The following PCSK5 variants were observed in gnomAD, a reference collection of about 807,000 sequenced individuals.
PCSK5 encodes the protein prohormone convertase 5.
In PCSK5, 129 loss-of-function variants were observed where a neutral mutation model predicts 233.2. The observed-to-expected ratio is 0.55, with a 90% confidence interval of 0.48 to 0.64. The LOEUF is 0.64. Ranked by LOEUF, PCSK5 falls within the 30% of genes least tolerant of loss-of-function variation. PCSK5 has a pLI of 0.00. For missense variants in PCSK5, 2,076 were observed against 2,430.1 expected, an observed-to-expected ratio of 0.85 and a Z score of 3.06; for synonymous variants, 825 against 879.2, an observed-to-expected ratio of 0.94 and a Z score of 1.09.
chr9:76,344,021 C>A (rs904022560), intron 35 of PCSK5, among the ~76,000 whole-genome samples: 13 of 152,024 alleles, frequency 8.6e-5, no homozygotes, highest in Non-Finnish European at 1.6e-4. Flanking sequence ...ATGTAATCTA[C>A]ATAAAATTAC....
At position 76,288,300 on chromosome 9, in the gene PCSK5, T is replaced by A. The variant is rs557113209; in HGVS notation, c.3143-3933T>A. 3.3e-5 allele frequency among the ~76,000 whole-genome samples: 5 copies of A among 152,334 alleles called. No individual in the cohort carries two copies. In the South Asian group the frequency reaches 1.0e-3, roughly 32 times the overall value. ...TTCCTGGTCTCTCCAAGGACTGGCC[T>A]GTAATACCAGGGCTTTGGTAGCCTG... On this transcript the variant is annotated intron_variant, in intron 24 of 37. Transcript: ENST00000674117.
intron 32 of PCSK5, 52 bp downstream of exon 32, chr9:76,323,340 C>T (rs2259775): frequency 5.5e-4 from 575 of 1,054,290 alleles, no homozygotes; most frequent in Non-Finnish European, 7.8e-4. Flanking sequence ...TAGTTCCAGC[C>T]CCAGCCCCAG....
At position 75,925,102 on chromosome 9, in the gene PCSK5, A is replaced by G. The variant is rs1042963632; in HGVS notation, c.193-7277A>G. On this transcript the variant is annotated intron_variant, in intron 1 of 37. Coordinates refer to ENST00000674117, the MANE Select transcript of PCSK5 (RefSeq NM_001372043.1). ...TTAATTCAATAGCCTTGTTATAAGT[A>G]TGATTTTTGTTCAGTGATTTGAAGA... Among the ~76,000 whole-genome samples, 6 of 152,204 alleles carry G rather than the reference A, an allele frequency of 3.9e-5. No individual in the cohort carries two copies. The South Asian group carries it at 6.2e-4, about 16-fold the overall frequency.
At chr9:76,191,996 T>C (rs1390188021) in intron 20 of PCSK5, among the ~76,000 whole-genome samples, 1 of 145,418 alleles carries the variant, frequency 6.9e-6, no homozygotes, top group Non-Finnish European at 1.5e-5. Flanking sequence ...TGAGAATCAC[T>C]TGAACCCTGG....
At chr9:76,279,603 T>C (rs1827803424) in intron 24 of PCSK5, among the ~76,000 whole-genome samples, 1 of 151,596 alleles carries the variant, frequency 6.6e-6, no homozygotes, top group South Asian at 2.1e-4. Context: ...ATGATTGCCA[T>C]TCTAACTGGT....
At chr9:76,055,464 A>G (rs529321534) in intron 5 of PCSK5, among the ~76,000 whole-genome samples, 132 of 151,974 alleles carry the variant, frequency 8.7e-4, no homozygotes, top group African/African-American at 2.3e-3. Flanking sequence ...CAACAGGGGG[A>G]TAATGCATTT....
intron 7 of PCSK5, among the ~76,000 whole-genome samples, chr9:76,092,012 G>A (rs2131641637): frequency 6.6e-6 from 1 of 152,120 alleles, no homozygotes; most frequent in East Asian, 1.9e-4. Flanking sequence ...GGACCCCTCA[G>A]CAATGCCATT....
chr9:75,931,248 CTTTTTTT>C (rs3074142), intron 1 of PCSK5, among the ~76,000 whole-genome samples: 1 of 130,466 alleles, frequency 7.7e-6, no homozygotes, highest in Non-Finnish European at 1.6e-5. Context: ...TGGGCCAAGA[CTTTTTTT>C]TTTTTTTTTT....
At chr9:75,894,416 A>G (rs1041208535) in intron 1 of PCSK5, among the ~76,000 whole-genome samples, 19 of 152,212 alleles carry the variant, frequency 1.2e-4, no homozygotes, top group Admixed American at 3.3e-4. Context: ...AGAGTAACAC[A>G]AGAAGAAAGC....
At chr9:76,028,451 G>A (rs1188808534) in intron 5 of PCSK5, among the ~76,000 whole-genome samples, 1 of 152,172 alleles carries the variant, frequency 6.6e-6, no homozygotes, top group Non-Finnish European at 1.5e-5. Context: ...AGGAAGTGGG[G>A]AGTGCTGATT....
chr9:76,071,744 G>T lies in PCSK5; in HGVS notation c.740G>T (p.Gly247Val). 1 of 1,613,634 alleles carries T rather than the reference G, an allele frequency of 6.2e-7. No homozygotes were observed. Among genetic ancestry groups the T allele is most frequent in the South Asian group, 1.1e-5 (1 of 90,996 alleles). ...AKIGGVRMLD[G>V]DVTDMVEAKS... ...GTTGAAGGAGTGCGAATGCTGGACG[G>T]AGATGTCACGGACATGGTTGAAGCA... is the stretch of plus-strand genomic sequence containing the variant. The change falls in exon 7 of 38, where the codon GGA (glycine) becomes GTA (valine). Residue 247 changes from glycine to valine, a missense_variant. Transcript: ENST00000674117.
intron 11 of PCSK5, among the ~76,000 whole-genome samples, chr9:76,157,536 C>T (rs74801423): frequency 0.014 from 2,052 of 151,342 alleles, 29 homozygotes; most frequent in Middle Eastern, 0.024. Flanking sequence ...ACAAAATGTA[C>T]GGTAAAAGAG....
intron 7 of PCSK5, among the ~76,000 whole-genome samples, chr9:76,093,923 C>G (rs1012564021): frequency 2.0e-5 from 3 of 152,174 alleles, no homozygotes; most frequent in Non-Finnish European, 4.4e-5. Flanking sequence ...TAGAGATTGT[C>G]ATAGCATTGA....
chr9:76,070,822 A>G (rs1830456343), intron 6 of PCSK5, among the ~76,000 whole-genome samples: 1 of 152,298 alleles, frequency 6.6e-6, no homozygotes, highest in South Asian at 2.1e-4. Context: ...ACCAATAAAA[A>G]CTTAAAATCC....
intron 7 of PCSK5, among the ~76,000 whole-genome samples, chr9:76,084,629 G>T (rs941174328): frequency 1.3e-5 from 2 of 152,188 alleles, no homozygotes; most frequent in Non-Finnish European, 2.9e-5. Flanking sequence ...GGGTGTCCCT[G>T]TTAAGGGAAG....
intron 20 of PCSK5, among the ~76,000 whole-genome samples, chr9:76,218,571 CAATT>C (rs1454276149): frequency 4.0e-5 from 6 of 149,516 alleles, no homozygotes; most frequent in Admixed American, 3.3e-4. Flanking sequence ...TGAGATAACA[CAATT>C]AAAGAAACAG....
chr9:76,112,174 G>A (rs1052858129), intron 9 of PCSK5, among the ~76,000 whole-genome samples: 5 of 152,158 alleles, frequency 3.3e-5, no homozygotes, highest in Admixed American at 3.3e-4. Flanking sequence ...AAGAATATAT[G>A]TTCAGTAATC....
intron 2 of PCSK5, among the ~76,000 whole-genome samples, chr9:75,942,264 T>C (rs4323536): frequency 0.55 from 83,026 of 152,118 alleles, 22,876 homozygotes; most frequent in Middle Eastern, 0.59. Context: ...ATTTTAAATA[T>C]TGGCAACTAG....
intron 7 of PCSK5, among the ~76,000 whole-genome samples, chr9:76,083,204 C>CAAAAAAAA (rs11324176): frequency 4.0e-5 from 3 of 75,424 alleles, no homozygotes; most frequent in African/African-American, 1.0e-4. Context: ...AGCGAGATCT[C>CAAAAAAAA]AAAAAAAAAA....
Sources: gnomAD v4.1 joint callset for allele counts (sites outside exome capture counted in the v4.1 genomes callset) on GRCh38, gnomAD v4.1.1 for gene constraint, MANE v1.5 for transcripts, NCBI Gene and HGNC (gene_info 2026-07-23, HGNC 2026-07-21) for gene names.